ANKRD17: variants seen among roughly 807,000 people sequenced by gnomAD.
ANKRD17 encodes the protein ankyrin repeat domain 17.
ANKRD17 carries 19 observed loss-of-function variants against 229.7 expected under a neutral mutation model. The observed-to-expected ratio is 0.08, with a 90% CI of 0.06 to 0.12. The LOEUF (loss-of-function observed/expected upper bound fraction) is 0.12. ANKRD17 is among the 10% of genes least tolerant of loss of function. The pLI is 1.00. For missense variants in ANKRD17, 2,176 were observed against 3,176.8 expected (o/e 0.68, Z 7.57); for synonymous variants, 1,112 against 1,146.1 (o/e 0.97, Z 0.60).
intron 1 of ANKRD17, among the ~76,000 whole-genome samples, chr4:73,210,823 C>T (rs1378208068): frequency 2.0e-5 from 3 of 151,600 alleles, no homozygotes; most frequent in Non-Finnish European, 4.4e-5. Flanking sequence ...ATCTAGTATA[C>T]CTATGAAGCT....
At chr4:73,201,343 A>C (rs1350797495) in intron 1 of ANKRD17, among the ~76,000 whole-genome samples, 1 of 152,130 alleles carries the variant, frequency 6.6e-6, no homozygotes, top group Non-Finnish European at 1.5e-5. Flanking sequence ...GGGAAATTGG[A>C]AATAACCCAG....
intron 16 of ANKRD17, among the ~76,000 whole-genome samples, chr4:73,127,423 AT>A (rs1727619433): frequency 6.6e-6 from 1 of 152,170 alleles, no homozygotes; most frequent in African/African-American, 2.4e-5. Context: ...TTCTTTTCAC[AT>A]TTTTTAATGC....
Position 73,093,279 on chromosome 4 carries a change from T to A in ANKRD17, c.5327+800A>T, listed in dbSNP as rs115473433. On this transcript the variant is annotated intron_variant, in intron 28 of 33. Transcript: ENST00000358602. ...TACATTCTTATGATTTCTTAGAACATCACTTTTATTTTAAGAATATTCAGG... is the reference window on the plus strand; with the variant it reads ...TACATTCTTATGATTTCTTAGAACAACACTTTTATTTTAAGAATATTCAGG... Among the ~76,000 whole-genome samples, 1,223 of 152,044 alleles carry A rather than the reference T, an allele frequency of 8.0e-3. 12 individuals carry two copies. The highest frequency in any genetic ancestry group is 0.028 in the African/African-American group (1,154 of 41,502).
chr4:73,097,960 C>T (rs1723503893), intron 26 of ANKRD17, 113 bp downstream of exon 26: 1 of 958,158 alleles, frequency 1.0e-6, no homozygotes, highest in Non-Finnish European at 1.5e-6. Context: ...TTCTTTAGCA[C>T]AAAGAAAAAT....
chr4:73,218,793 G>A (rs527846440), intron 1 of ANKRD17, among the ~76,000 whole-genome samples: 1 of 152,242 alleles, frequency 6.6e-6, no homozygotes, highest in East Asian at 1.9e-4. Context: ...AATAAATGCA[G>A]TGGCTCACGC....
Position 73,258,396 on chromosome 4 carries a change from G to GTCGCTGCTGCTT in ANKRD17, c.261_272dup (p.Glu87_Ser90dup), listed in dbSNP as rs1487998224. 6.2e-6 allele frequency: 10 copies of GTCGCTGCTGCTT among 1,610,566 alleles called. No homozygotes were observed. The highest frequency in any genetic ancestry group is 2.7e-5 in the African/African-American group (2 of 74,546). ...CTCCACCGCCGCCGCTGTTGTCGCT[G>GTCGCTGCTGCTT]TCGCTGCTGCTTTCGCTGCTGCTGG... On this transcript the variant is annotated inframe_insertion, in exon 1 of 34. Transcript: ENST00000358602.
At chr4:73,257,716 C>T (rs976239577) in intron 1 of ANKRD17, among the ~76,000 whole-genome samples, 3 of 152,018 alleles carry the variant, frequency 2.0e-5, no homozygotes, top group African/African-American at 7.3e-5. Context: ...TACGAAAAAC[C>T]CTGCAGAACA....
intron 1 of ANKRD17, among the ~76,000 whole-genome samples, chr4:73,192,557 TA>T (rs551259613): frequency 1.7e-3 from 251 of 149,192 alleles, no homozygotes; most frequent in Middle Eastern, 3.6e-3. Context: ...TTGCTTACCT[TA>T]AAAAAAAAAT....
intron 15 of ANKRD17, 39 bp from the exon 16 acceptor site, chr4:73,135,304 A>T (rs370265436): frequency 1.8e-5 from 29 of 1,581,486 alleles, no homozygotes; most frequent in Non-Finnish European, 2.4e-5. Context: ...AGGATGAAAC[A>T]TTGTTAAGTA....
intron 29 of ANKRD17, among the ~76,000 whole-genome samples, chr4:73,086,159 T>G (rs1432905385): frequency 6.6e-6 from 1 of 152,252 alleles, no homozygotes; most frequent in Non-Finnish European, 1.5e-5. Context: ...TTAGTTTTCC[T>G]TTACATGGGC....
At chr4:73,094,427 C>T (rs1423827403) in intron 27 of ANKRD17, among the ~76,000 whole-genome samples, 199 bp from the exon 28 acceptor site, 6 of 152,092 alleles carry the variant, frequency 3.9e-5, no homozygotes. Flanking sequence ...TTTATTATAG[C>T]TTCTCATCTC....
intron 27 of ANKRD17, 77 bp downstream of exon 27, chr4:73,097,040 G>A: frequency 6.7e-7 from 1 of 1,485,540 alleles, no homozygotes; most frequent in Non-Finnish European, 9.0e-7. Flanking sequence ...AAGAGTAGGA[G>A]GAATTTAATT....
Position 73,214,847 on chromosome 4 carries a change from TAAAAAAA to T in ANKRD17, c.394-37321_394-37315del, listed in dbSNP as rs766995925. 4.7e-5 allele frequency among the ~76,000 whole-genome samples: 4 copies of T among 85,596 alleles called. No individual in the cohort carries two copies. The Admixed American group carries it at 5.4e-4, about 12-fold the overall frequency. The allele number at this position is 85,596 out of a possible 152,430, so 56.2% of individuals were successfully genotyped here. ...CAACAGAGTGAGATTTCGTCTCTAT[TAAAAAAA>T]AAAAAAAAAAAAAAGCAAGAAAGAA... On this transcript the variant is annotated intron_variant, in intron 1 of 33. Coordinates refer to ENST00000358602, the MANE Select transcript of ANKRD17 (RefSeq NM_032217.5).
chr4:73,191,205 C>CAT (rs1325102735), intron 1 of ANKRD17, among the ~76,000 whole-genome samples: 1 of 151,860 alleles, frequency 6.6e-6, no homozygotes, highest in Non-Finnish European at 1.5e-5. Flanking sequence ...GAATCCAGAA[C>CAT]ATATATATAT....
In ANKRD17 at chr4:73,175,326, G is replaced by A. The variant is rs1019700804; in HGVS notation, c.547+2054C>T. Among the ~76,000 whole-genome samples the A allele has an allele frequency of 3.7e-4, 57 of 152,118 alleles. 1 individual carries two copies. Among genetic ancestry groups the A allele is most frequent in the African/African-American group, 1.4e-3 (57 of 41,440 alleles). ...GAACCCATTCACTATTACAAGAACA[G>A]CATGGGGGAAACTGTCCCCATGATC... On this transcript the variant is annotated intron_variant, in intron 2 of 33. Coordinates refer to ENST00000358602, the MANE Select transcript of ANKRD17 (RefSeq NM_032217.5).
At chr4:73,130,647 G>C (rs1052688056) in intron 16 of ANKRD17, among the ~76,000 whole-genome samples, 4 of 149,498 alleles carry the variant, frequency 2.7e-5, no homozygotes, top group African/African-American at 9.9e-5. Flanking sequence ...ACTAGAATAA[G>C]GTACTCCAAG....
chr4:73,076,156 C>A lies in ANKRD17; in HGVS notation c.*75G>T. ...GCACATCAGTAGAATGATTTGGGAG[C>A]ATAATTTTTTTTTTCGGCCACTTGT... On this transcript the variant is annotated 3_prime_UTR_variant, in exon 34 of 34. Transcript: ENST00000358602. 1 of 1,343,682 alleles carries A rather than the reference C, an allele frequency of 7.4e-7. No homozygotes were observed. The highest frequency in any genetic ancestry group is 1.0e-6 in the Non-Finnish European group (1 of 967,970). The allele number at this position is 1,343,682 out of a possible 1,614,324, so 83.2% of individuals were successfully genotyped here.
intron 1 of ANKRD17, among the ~76,000 whole-genome samples, chr4:73,248,468 T>C (rs1744700337): frequency 6.6e-6 from 1 of 151,994 alleles, no homozygotes; most frequent in Non-Finnish European, 1.5e-5. Flanking sequence ...AAATTTAAAT[T>C]TTATGAATCT....
At chr4:73,209,026 C>G (rs575787487) in intron 1 of ANKRD17, among the ~76,000 whole-genome samples, 1 of 151,866 alleles carries the variant, frequency 6.6e-6, no homozygotes, top group Non-Finnish European at 1.5e-5. Context: ...GTCAACATGG[C>G]GAAACTCCCC....
Sources: allele counts gnomAD v4.1 joint callset (sites outside exome capture counted in the v4.1 genomes callset), GRCh38; gene constraint gnomAD v4.1.1; transcripts MANE v1.5; gene names NCBI Gene and HGNC (gene_info 2026-07-23, HGNC 2026-07-21).